ZNF487: variants seen among roughly 807,000 people sequenced by gnomAD.
ZNF487 encodes the protein KRAB domain only 1.
A neutral mutation model predicts 3.0 loss-of-function variants in ZNF487; 4 were observed. The observed-to-expected ratio is 1.35, with a 90% CI of 0.66 to 3.08. The LOEUF is 3.08. Ranked by LOEUF, ZNF487 falls within the 30% of genes most tolerant of loss-of-function variation. The pLI is 0.01. For missense variants in ZNF487, 146 were observed against 98.7 expected (o/e 1.48, Z -2.03); for synonymous variants, 55 against 34.6 (o/e 1.59, Z -2.06).
chr10:43,440,328 G>T (rs1181916100), intron 1 of ZNF487, among the ~76,000 whole-genome samples: 1 of 151,614 alleles, frequency 6.6e-6, no homozygotes, highest in Non-Finnish European at 1.5e-5. Flanking sequence ...GGGATTACAG[G>T]TGTGAACCAC....
At chr10:43,458,779 T>G (rs1840313100) in intron 1 of ZNF487, among the ~76,000 whole-genome samples, 2 of 151,852 alleles carry the variant, frequency 1.3e-5, no homozygotes, top group Admixed American at 1.3e-4. Flanking sequence ...AGTCAGTACA[T>G]TTCTAGGGAT....
chr10:43,485,094 AT>A (rs1047072566), downstream of ZNF487, among the ~76,000 whole-genome samples: 20 of 152,166 alleles, frequency 1.3e-4, no homozygotes, highest in African/African-American at 4.6e-4. Context: ...TCCTAACTTT[AT>A]TCTTACCTCC....
At chr10:43,519,688 G>A in the ZNF487 span, among the ~76,000 whole-genome samples, 2 of 152,086 alleles carry the variant, frequency 1.3e-5, no homozygotes, top group Non-Finnish European at 2.9e-5. Context: ...GGCTGGTCTC[G>A]AACACCTGAC....
chr10:43,467,625 T>G (rs1422448187), intron 1 of ZNF487, among the ~76,000 whole-genome samples: 2 of 151,828 alleles, frequency 1.3e-5, no homozygotes, highest in Non-Finnish European at 2.9e-5. Flanking sequence ...GATACCAGCC[T>G]GGCAAACATG....
the ZNF487 span, among the ~76,000 whole-genome samples, chr10:43,494,221 C>T: frequency 6.6e-6 from 1 of 152,104 alleles, no homozygotes; most frequent in African/African-American, 2.4e-5. Flanking sequence ...TTAGACAATA[C>T]ACAAACACAC....
chr10:43,520,107 AC>A, the ZNF487 span, among the ~76,000 whole-genome samples: 1 of 152,210 alleles, frequency 6.6e-6, no homozygotes, highest in Non-Finnish European at 1.5e-5. Flanking sequence ...ATTCATGTAC[AC>A]AAAATGACTG....
chr10:43,477,439 C>T (rs1841142035), intron 3 of ZNF487, among the ~76,000 whole-genome samples: 1 of 151,962 alleles, frequency 6.6e-6, no homozygotes, highest in South Asian at 2.1e-4. Context: ...AAGTGATCTG[C>T]CCCCCTTGGC....
At chr10:43,447,192 G>T (rs1248998237) in intron 1 of ZNF487, among the ~76,000 whole-genome samples, 1 of 151,006 alleles carries the variant, frequency 6.6e-6, no homozygotes, top group South Asian at 2.1e-4. Flanking sequence ...ATGAGGGAGA[G>T]GGGGAGACCG....
chr10:43,508,579 CG>C, the ZNF487 span, among the ~76,000 whole-genome samples: 1 of 151,044 alleles, frequency 6.6e-6, no homozygotes, highest in Non-Finnish European at 1.5e-5. Context: ...GAGGCCGAGG[CG>C]GGTGGATCAC....
the ZNF487 span, among the ~76,000 whole-genome samples, chr10:43,493,718 A>G: frequency 2.3e-4 from 4 of 17,428 alleles, 1 homozygote; most frequent in Non-Finnish European, 5.0e-4. Context: ...AAATATATAT[A>G]TATATATATA....
the ZNF487 span, among the ~76,000 whole-genome samples, chr10:43,510,638 C>G: frequency 6.6e-6 from 1 of 152,138 alleles, no homozygotes; most frequent in Non-Finnish European, 1.5e-5. Flanking sequence ...ACCTCTGCCT[C>G]CCGGGTTCAA....
At chr10:43,487,709 C>T (rs1159398322), downstream of ZNF487, among the ~76,000 whole-genome samples, 1 of 151,700 alleles carries the variant, frequency 6.6e-6, no homozygotes, top group Non-Finnish European at 1.5e-5. Context: ...GCCTGGGCCT[C>T]CCAAAGTACT....
At chr10:43,513,218 C>A in the ZNF487 span, among the ~76,000 whole-genome samples, 7 of 152,240 alleles carry the variant, frequency 4.6e-5, no homozygotes, top group Non-Finnish European at 8.8e-5. Context: ...AATTGATATA[C>A]CCTGGAGGTA....
intron 1 of ZNF487, among the ~76,000 whole-genome samples, chr10:43,442,888 C>T (rs1177048334): frequency 6.6e-6 from 1 of 152,086 alleles, no homozygotes; most frequent in Non-Finnish European, 1.5e-5. Flanking sequence ...CAGAGATTAG[C>T]AATTTAAAGT....
chr10:43,455,390 T>TGGCATCGTGACTACCAACCAC (rs1470468982), intron 1 of ZNF487, among the ~76,000 whole-genome samples: 1 of 152,218 alleles, frequency 6.6e-6, no homozygotes, highest in Non-Finnish European at 1.5e-5. Context: ...ACCATCCCAT[T>TGGCATCGTGACTACCAACCAC]GGCATCGTGA....
At chr10:43,450,066 G>C (rs1367175658) in intron 1 of ZNF487, among the ~76,000 whole-genome samples, 1 of 151,804 alleles carries the variant, frequency 6.6e-6, no homozygotes, top group African/African-American at 2.4e-5. Context: ...GTTTTGAGAC[G>C]GAGTTTTGCT....
intron 3 of ZNF487, among the ~76,000 whole-genome samples, chr10:43,481,044 G>A (rs1841332435): frequency 6.6e-6 from 1 of 152,102 alleles, no homozygotes; most frequent in Non-Finnish European, 1.5e-5. Flanking sequence ...GCCGAGGCAG[G>A]TGGATTTCTT....
chr10:43,443,916 G>C (rs543945808), intron 1 of ZNF487, among the ~76,000 whole-genome samples: 2 of 149,654 alleles, frequency 1.3e-5, no homozygotes, highest in East Asian at 4.0e-4. Flanking sequence ...GCAATGGCGT[G>C]ATCTTGGCTC....
the ZNF487 span, among the ~76,000 whole-genome samples, chr10:43,495,846 T>G: frequency 6.6e-6 from 1 of 152,318 alleles, no homozygotes; most frequent in East Asian, 1.9e-4. Context: ...AAGGTACTTT[T>G]GTGATTTGTT....
Sources: allele counts gnomAD v4.1 joint callset (sites outside exome capture counted in the v4.1 genomes callset), GRCh38; gene constraint gnomAD v4.1.1; transcripts MANE v1.5; gene names NCBI Gene and HGNC (gene_info 2026-07-23, HGNC 2026-07-21).